The following ESRRG variants were observed in gnomAD, a reference collection of about 807,000 sequenced individuals.
The protein encoded by ESRRG is estrogen-related receptor gamma.
Under a neutral mutation model 44.0 loss-of-function variants are expected in ESRRG, and 13 were observed. The ratio of observed to expected loss-of-function variants is 0.30; its 90% CI spans 0.19 to 0.47. The LOEUF (loss-of-function observed/expected upper bound fraction) is 0.47. ESRRG is among the 20% of genes least tolerant of loss of function. The pLI is 1.00. For missense variants in ESRRG, 395 were observed against 580.6 expected (o/e 0.68, Z 3.29); for synonymous variants, 215 against 214.6 (o/e 1.00, Z -0.02).
intron 1 of ESRRG, among the ~76,000 whole-genome samples, chr1:217,076,052 A>G (rs2091257958): frequency 6.6e-6 from 1 of 152,186 alleles, no homozygotes; most frequent in Admixed American, 6.5e-5. Flanking sequence ...GAGTTAAAAG[A>G]GCCATTATCT....
chr1:216,516,629 A>G (rs1399677245), intron 6 of ESRRG, among the ~76,000 whole-genome samples: 1 of 126,852 alleles, frequency 7.9e-6, no homozygotes, highest in Non-Finnish European at 1.6e-5. Context: ...TCCTAAACAC[A>G]CACACATACA....
chr1:216,627,811 G>T (rs1417163225), intron 3 of ESRRG, among the ~76,000 whole-genome samples: 5 of 98,428 alleles, frequency 5.1e-5, no homozygotes, highest in African/African-American at 1.9e-4. Context: ...GGACCATTAA[G>T]AAGTTTATTT....
At chr1:216,585,397 C>T (rs376480132) in intron 3 of ESRRG, among the ~76,000 whole-genome samples, 1 of 151,936 alleles carries the variant, frequency 6.6e-6, no homozygotes, top group East Asian at 1.9e-4. Context: ...CATACCTTGC[C>T]TATTTAGAAG....
chr1:216,896,084 G>A (rs2058381618), intron 2 of ESRRG, among the ~76,000 whole-genome samples: 1 of 152,022 alleles, frequency 6.6e-6, no homozygotes, highest in Non-Finnish European at 1.5e-5. Flanking sequence ...ATTACATCAC[G>A]ACAAATGACA....
intron 3 of ESRRG, among the ~76,000 whole-genome samples, chr1:216,583,928 G>A (rs1312823090): frequency 6.6e-6 from 1 of 152,040 alleles, no homozygotes; most frequent in Non-Finnish European, 1.5e-5. Context: ...AGAACATCAT[G>A]GGAAAGACTT....
At chr1:216,593,165 T>G (rs1027785201) in intron 3 of ESRRG, among the ~76,000 whole-genome samples, 2 of 152,200 alleles carry the variant, frequency 1.3e-5, no homozygotes, top group African/African-American at 4.8e-5. Flanking sequence ...TGAATAACAG[T>G]CACTATGCCA....
intron 2 of ESRRG, among the ~76,000 whole-genome samples, chr1:216,657,048 C>T (rs2070792147): frequency 6.6e-6 from 1 of 152,130 alleles, no homozygotes; most frequent in South Asian, 2.1e-4. Flanking sequence ...AGAAAGAAAA[C>T]TCTGTCTTTA....
At chr1:216,983,032 T>TTG (rs1491533476) in intron 1 of ESRRG, among the ~76,000 whole-genome samples, 3 of 3,950 alleles carry the variant, frequency 7.6e-4, no homozygotes, top group African/African-American at 1.4e-3. Context: ...CTTTGAACTG[T>TTG]TTTTTTTTTT....
At chr1:216,573,626 T>TATATTG (rs2061214458) in intron 3 of ESRRG, among the ~76,000 whole-genome samples, 1 of 151,892 alleles carries the variant, frequency 6.6e-6, no homozygotes, top group African/African-American at 2.4e-5. Flanking sequence ...AGCCAAATAA[T>TATATTG]AATACTATTT....
At chr1:217,118,411 T>C (rs1298495434) in intron 1 of ESRRG, among the ~76,000 whole-genome samples, 1 of 151,114 alleles carries the variant, frequency 6.6e-6, no homozygotes, top group Admixed American at 6.6e-5. Context: ...TGTAGCTCTA[T>C]CTAGTCCTGC....
intron 1 of ESRRG, among the ~76,000 whole-genome samples, chr1:217,023,096 T>C (rs976838039): frequency 6.6e-6 from 1 of 152,158 alleles, no homozygotes; most frequent in Admixed American, 6.5e-5. Context: ...CCATTCACAA[T>C]GGAGAAAAGA....
At chr1:216,832,471 A>G (rs1342586341) in intron 2 of ESRRG, among the ~76,000 whole-genome samples, 1 of 152,154 alleles carries the variant, frequency 6.6e-6, no homozygotes, top group African/African-American at 2.4e-5. Flanking sequence ...CTTCAGGGTC[A>G]TGTTGTATAA....
At chr1:217,087,792 T>C (rs943898737) in intron 1 of ESRRG, among the ~76,000 whole-genome samples, 1 of 152,224 alleles carries the variant, frequency 6.6e-6, no homozygotes, top group African/African-American at 2.4e-5. Flanking sequence ...AACAAAGCCA[T>C]GCGTAACAGA....
At chr1:216,611,412 C>CA (rs1336363203) in intron 3 of ESRRG, among the ~76,000 whole-genome samples, 10 of 151,940 alleles carry the variant, frequency 6.6e-5, no homozygotes, top group Non-Finnish European at 7.4e-5. Flanking sequence ...TCATTAGATA[C>CA]AAAATCTTAT....
chr1:216,857,503 C>T (rs374828160), intron 2 of ESRRG, among the ~76,000 whole-genome samples: 3 of 151,914 alleles, frequency 2.0e-5, no homozygotes, highest in Admixed American at 6.6e-5. Context: ...ACACATAAAA[C>T]GAAATGCACC....
At chr1:216,975,735 G>A (rs531401691) in intron 1 of ESRRG, among the ~76,000 whole-genome samples, 5 of 152,268 alleles carry the variant, frequency 3.3e-5, no homozygotes, top group South Asian at 2.1e-4. Context: ...ATTGTAGAAT[G>A]CCCTTTAATC....
In ESRRG at chr1:216,930,875, T is replaced by G. The variant is rs188574212; in HGVS notation, c.-14+8707A>C. 1.2e-3 allele frequency among the ~76,000 whole-genome samples: 188 copies of G among 152,306 alleles called. 1 individual carries two copies. The highest frequency in any genetic ancestry group is 3.3e-3 in the African/African-American group (139 of 41,576). ...GGAACTGCAAATGGGAAGCATTGCC[T>G]GTAGAACACACAAGGTTCCACAATG... On this transcript the variant is annotated intron_variant, in intron 2 of 7. Coordinates refer to the ESRRG transcript ENST00000359162.
intron 1 of ESRRG, among the ~76,000 whole-genome samples, chr1:217,069,787 C>A (rs2090324596): frequency 6.6e-6 from 1 of 152,132 alleles, no homozygotes; most frequent in African/African-American, 2.4e-5. Flanking sequence ...ACCATAGTGT[C>A]TGGTGGACTC....
At chr1:217,034,778 TG>T (rs2082591984) in intron 1 of ESRRG, among the ~76,000 whole-genome samples, 1 of 152,182 alleles carries the variant, frequency 6.6e-6, no homozygotes, top group Non-Finnish European at 1.5e-5. Flanking sequence ...CAGGCTGCAG[TG>T]CACCATACGT....
Sources: gnomAD v4.1 joint callset for allele counts (sites outside exome capture counted in the v4.1 genomes callset) on GRCh38, gnomAD v4.1.1 for gene constraint, MANE v1.5 for transcripts, NCBI Gene and HGNC (gene_info 2026-07-23, HGNC 2026-07-21) for gene names.